The following ZNF674 variants were observed in gnomAD, a reference collection of about 807,000 sequenced individuals.
ZNF674 encodes the protein zinc finger protein 674, also known as zinc finger family member 674.
A neutral mutation model predicts 7.0 loss-of-function variants in ZNF674; 2 were observed. The observed-to-expected ratio is 0.29, with a 90% CI of 0.12 to 0.90. The LOEUF is 0.90. Ranked by LOEUF, ZNF674 falls within the 40% of genes least tolerant of loss-of-function variation. The pLI is 0.57. For synonymous variants in ZNF674, 103 were observed against 145.2 expected, an observed-to-expected ratio of 0.71 and a Z score of 2.09; for missense variants, 297 against 415.5, an observed-to-expected ratio of 0.71 and a Z score of 2.48.
At chrX:46,526,898 A>G (rs1201386886) in intron 5 of ZNF674, among the ~76,000 whole-genome samples, 2 of 111,166 alleles carry the variant, frequency 1.8e-5, no homozygotes, top group African/African-American at 3.3e-5. Flanking sequence ...AAAAACGTCT[A>G]CTCTACAAAG....
intron 3 of ZNF674, among the ~76,000 whole-genome samples, chrX:46,538,954 A>T (rs1277663795): frequency 9.0e-6 from 1 of 110,890 alleles, no homozygotes; most frequent in Non-Finnish European, 1.9e-5. Context: ...GGAGACCAAG[A>T]CAGGTAGATC....
intron 5 of ZNF674, chrX:46,528,086 C>G: frequency 2.3e-6 from 1 of 433,531 alleles, no homozygotes; most frequent in East Asian, 3.9e-5. Context: ...CACTAACAAG[C>G]CAGGAGGCTG....
intron 3 of ZNF674, among the ~76,000 whole-genome samples, chrX:46,537,050 CA>C: frequency 9.0e-6 from 1 of 111,721 alleles, no homozygotes; most frequent in Non-Finnish European, 1.9e-5. Context: ...GCAGGTGGAT[CA>C]ACTGAGGTCA....
intron 3 of ZNF674, among the ~76,000 whole-genome samples, chrX:46,534,992 C>T (rs1390908058): frequency 9.0e-6 from 1 of 111,586 alleles, no homozygotes; most frequent in African/African-American, 3.3e-5. Flanking sequence ...CCACCAACCT[C>T]AACCTCCCAA....
chrX:46,545,172 C>A (rs761412157), intron 1 of ZNF674, among the ~76,000 whole-genome samples, 199 bp downstream of exon 1: 1 of 110,708 alleles, frequency 9.0e-6, no homozygotes, highest in South Asian at 3.9e-4. Flanking sequence ...AGGATACAAG[C>A]GCTGAGTGAC....
chrX:46,502,247 A>G (rs1287572326), intron 5 of ZNF674, among the ~76,000 whole-genome samples: 1 of 103,063 alleles, frequency 9.7e-6, no homozygotes, highest in East Asian at 3.1e-4. Context: ...CGGAGGTTGC[A>G]GTGAGCTGAG....
chrX:46,530,640 A>C (rs1942093282), intron 3 of ZNF674, among the ~76,000 whole-genome samples: 1 of 112,140 alleles, frequency 8.9e-6, no homozygotes, highest in Non-Finnish European at 1.9e-5. Flanking sequence ...ATATTGTGAA[A>C]TATATATTTG....
chrX:46,511,033 C>T (rs1941644254), intron 5 of ZNF674, among the ~76,000 whole-genome samples: 1 of 111,493 alleles, frequency 9.0e-6, no homozygotes, highest in South Asian at 3.8e-4. Context: ...GCAAAGCATA[C>T]AGAACAATGC....
At chrX:46,538,712 T>C (rs1282908837) in intron 3 of ZNF674, among the ~76,000 whole-genome samples, 1 of 111,185 alleles carries the variant, frequency 9.0e-6, no homozygotes, top group Non-Finnish European at 1.9e-5. Context: ...GCCAACACAG[T>C]AAGACTCCAG....
chrX:46,502,842 T>A (rs1941461431), intron 5 of ZNF674, among the ~76,000 whole-genome samples: 1 of 112,446 alleles, frequency 8.9e-6, no homozygotes, highest in African/African-American at 3.2e-5. Context: ...TATAATCCAG[T>A]TGTTTATCAT....
At chrX:46,515,144 G>A (rs1017361837) in intron 5 of ZNF674, among the ~76,000 whole-genome samples, 1 of 111,031 alleles carries the variant, frequency 9.0e-6, no homozygotes, top group Non-Finnish European at 1.9e-5. Flanking sequence ...CTAAGTGGGC[G>A]GATCACATGA....
Position 46,498,573 on chromosome X carries a change from T to C in ZNF674, c.*1270A>G, listed in dbSNP as rs1941358862. The C allele has an allele frequency of 9.0e-6, 1 of 110,749 alleles. No individual in the cohort carries two copies. Among genetic ancestry groups the C allele is most frequent in the Non-Finnish European group, 1.9e-5 (1 of 52,979 alleles). The allele number at this position is 110,749 out of a possible 1,213,427, so 9.1% of individuals were successfully genotyped here. The stretch of plus-strand genomic sequence containing the variant: ...TTGCCCCACATGGGATATTTTATGC[T>C]TTATACTGTTCTTTTAAAAATGTCA... On this transcript the variant is annotated 3_prime_UTR_variant, in exon 6 of 6. Coordinates refer to ENST00000683375, the MANE Select transcript of ZNF674 (RefSeq NM_001190417.2).
intron 5 of ZNF674, among the ~76,000 whole-genome samples, chrX:46,525,981 TAAG>T (rs1942004185): frequency 8.9e-6 from 1 of 111,996 alleles, no homozygotes; most frequent in Non-Finnish European, 1.9e-5. Flanking sequence ...AGATAAAATT[TAAG>T]AAGATCTAAA....
intron 5 of ZNF674, among the ~76,000 whole-genome samples, chrX:46,518,775 A>G (rs1032137757): frequency 9.2e-6 from 1 of 108,664 alleles, no homozygotes; most frequent in Non-Finnish European, 1.9e-5. Context: ...AGTCCCAGCT[A>G]CTCGGGAGGC....
At position 46,533,829 on chromosome X, in the gene ZNF674, A is replaced by AAAT. The variant is rs1415090691; in HGVS notation, c.16-4921_16-4920insATT. On this transcript the variant is annotated intron_variant, in intron 3 of 5. Transcript: ENST00000683375. The stretch of plus-strand genomic sequence containing the variant: ...CCTGTCTCAAAAAAAAAAAAAAAAA[A>AAAT]ATATATATATATATATATATATATA... 6.1e-3 allele frequency among the ~76,000 whole-genome samples: 400 copies of AAAT among 65,413 alleles called. 4 individuals are homozygous for AAAT. Among genetic ancestry groups the AAAT allele is most frequent in the Middle Eastern group, 7.7e-3 (1 of 130 alleles). The allele number at this position is 65,413 out of a possible 115,157, so 56.8% of individuals were successfully genotyped here.
Position 46,528,351 on chromosome X carries a change from T to C in ZNF674, c.237A>G (p.Ala79=). ...ADGGTPVRTC[A]EVWEVDEQID... ...CTGACTCACCTGGCCTGTCCTCACC[T>C]GCACAGGTCCGTACCGGGGTCCCTC... Residue 79 remains alanine (A), a splice_region_variant and synonymous_variant, in exon 5 of 6, where the codon GCA becomes GCG. Coordinates refer to ENST00000683375, the MANE Select transcript of ZNF674 (RefSeq NM_001190417.2). 2.5e-6 allele frequency: 3 copies of C among 1,211,561 alleles called. No homozygotes were observed. The highest frequency in any genetic ancestry group is 3.4e-6 in the Non-Finnish European group (3 of 895,265).
At chrX:46,533,420 T>C (rs1942142783) in intron 3 of ZNF674, among the ~76,000 whole-genome samples, 1 of 111,126 alleles carries the variant, frequency 9.0e-6, no homozygotes, top group Admixed American at 9.7e-5. Context: ...CTCAGTGAAT[T>C]GGTTTTGACT....
intron 3 of ZNF674, chrX:46,529,737 A>C (rs1942076620): frequency 9.1e-6 from 1 of 109,998 alleles, no homozygotes; most frequent in Admixed American, 9.8e-5. Context: ...GAAAAGCGAC[A>C]CTTAGACACT....
chrX:46,528,431 T>A lies in ZNF674; in HGVS notation c.157A>T (p.Lys53Ter), dbSNP rs1433161648. ...CCCAACCTGAAGATCACATCTGGCT[T>A]CCCAACTAGATGCCCTGTTTAGGGG... is the stretch of plus-strand genomic sequence containing the variant. ...HLVSVGHLVG[K>*]PDVIFRLGPG... Residue 53 changes from lysine to a stop codon, truncating the protein, a stop_gained, in exon 5 of 6, where the codon AAG becomes TAG. Transcript: ENST00000683375. LOFTEE classifies it high-confidence loss of function. 5.0e-6 allele frequency: 6 copies of A among 1,210,124 alleles called. No homozygotes were observed. Among genetic ancestry groups the A allele is most frequent in the Non-Finnish European group, 6.7e-6 (6 of 894,173 alleles).
Sources: allele counts gnomAD v4.1 joint callset (sites outside exome capture counted in the v4.1 genomes callset), GRCh38; gene constraint gnomAD v4.1.1; transcripts MANE v1.5; gene names NCBI Gene and HGNC (gene_info 2026-07-23, HGNC 2026-07-21).